Variants in THAP2 observed in about 807,000 individuals in gnomAD.
THAP2 encodes THAP domain-containing protein 2.
Under a neutral mutation model 18.8 loss-of-function variants are expected in THAP2, and 16 were observed. The observed-to-expected ratio is 0.85, with a 90% CI of 0.58 to 1.29. THAP2 has a LOEUF of 1.29. Among genes scored for constraint, THAP2 ranks in the 50% most tolerant of loss-of-function variants. The pLI, the probability that THAP2 is intolerant of heterozygous loss-of-function variation, is 0.00. For missense variants in THAP2, 251 were observed against 265.3 expected, an observed-to-expected ratio of 0.95 and a Z score of 0.38; for synonymous variants, 80 against 89.2, an observed-to-expected ratio of 0.90 and a Z score of 0.58.
In THAP2 at chr12:71,677,873, A is replaced by G. The variant is rs1881544714; in HGVS notation, c.*765A>G. The G allele has an allele frequency of 6.6e-6, 1 of 152,178 alleles. No individual in the cohort carries two copies. Among genetic ancestry groups the G allele is most frequent in the Admixed American group, 6.5e-5 (1 of 15,274 alleles). The allele number at this position is 152,178 out of a possible 1,614,324, so 9.4% of individuals were successfully genotyped here. A position where few individuals can be genotyped will look rare whatever the true frequency, so the allele number is the denominator to read the frequency against. ...TACTACTCTTTTTCTCATAATAAAA[A>G]TCTTACATTTCCAACTTCAAAATTG... On this transcript the variant is annotated 3_prime_UTR_variant, in exon 3 of 3. Coordinates refer to ENST00000308086, the MANE Select transcript of THAP2 (RefSeq NM_031435.4).
chr12:71,666,152 C>G (rs1261532979), intron 1 of THAP2, among the ~76,000 whole-genome samples: 2 of 152,050 alleles, frequency 1.3e-5, no homozygotes, highest in East Asian at 3.9e-4. Flanking sequence ...GAGAAATGTT[C>G]AAGGAGAAAC....
At chr12:71,673,242 TG>T (rs1272353489) in intron 1 of THAP2, among the ~76,000 whole-genome samples, 4 of 152,178 alleles carry the variant, frequency 2.6e-5, no homozygotes, top group African/African-American at 9.6e-5. Context: ...TAAAATAGAC[TG>T]GTATCTACAT....
intron 1 of THAP2, among the ~76,000 whole-genome samples, chr12:71,672,510 A>G (rs946626876): frequency 6.6e-6 from 1 of 152,184 alleles, no homozygotes; most frequent in Non-Finnish European, 1.5e-5. Flanking sequence ...GAATACAGGT[A>G]TGGCTTTCTT....
intron 1 of THAP2, among the ~76,000 whole-genome samples, chr12:71,669,521 C>A (rs1241540958): frequency 6.6e-6 from 1 of 152,062 alleles, no homozygotes; most frequent in Non-Finnish European, 1.5e-5. Flanking sequence ...GAGGCCCTGA[C>A]AAGAAGAAAT....
chr12:71,669,957 C>CAA (rs5799052), intron 1 of THAP2, among the ~76,000 whole-genome samples: 1,449 of 104,550 alleles, frequency 0.014, 32 homozygotes, highest in East Asian at 0.046. Flanking sequence ...AACTCCGTCT[C>CAA]AAAAAAAAAA....
chr12:71,675,208 G>T (rs1243985295), intron 2 of THAP2, among the ~76,000 whole-genome samples: 2 of 151,944 alleles, frequency 1.3e-5, no homozygotes, highest in Non-Finnish European at 2.9e-5. Context: ...AAAAACTACT[G>T]TTTCTCTTGT....
intron 1 of THAP2, among the ~76,000 whole-genome samples, chr12:71,665,981 C>G (rs1459325870): frequency 6.6e-6 from 1 of 152,152 alleles, no homozygotes; most frequent in African/African-American, 2.4e-5. Context: ...AAACTAAACC[C>G]TTTACTCAGT....
At chr12:71,675,351 T>G (rs1881505242) in intron 2 of THAP2, among the ~76,000 whole-genome samples, 1 of 152,128 alleles carries the variant, frequency 6.6e-6, no homozygotes, top group African/African-American at 2.4e-5. Flanking sequence ...ACGTGAATCC[T>G]CAGCACCTCA....
At chr12:71,672,684 G>A (rs1441097555) in intron 1 of THAP2, among the ~76,000 whole-genome samples, 1 of 151,546 alleles carries the variant, frequency 6.6e-6, no homozygotes, top group African/African-American at 2.4e-5. Flanking sequence ...GAAATGGCAG[G>A]CAACAACAGC....
In THAP2 at chr12:71,677,075, A is replaced by G; in HGVS notation, c.654A>G (p.Leu218=). 3 of 1,609,686 alleles carry G rather than the reference A, an allele frequency of 1.9e-6. No individual in the cohort carries two copies. Among genetic ancestry groups the G allele is most frequent in the Non-Finnish European group, 2.5e-6 (3 of 1,177,588 alleles). ...QDQQDKTLLS[L]NLKQTKSTFI is the part of the protein sequence containing the mutation. The stretch of plus-strand genomic sequence containing the variant: ...AACAAGATAAAACACTGCTAAGTCT[A>G]AATCTAAAACAGACCAAGAGTACCT... Residue 218 remains leucine (L), a synonymous_variant, in exon 3 of 3, where the codon CTA becomes CTG. Coordinates refer to ENST00000308086, the MANE Select transcript of THAP2 (RefSeq NM_031435.4).
chr12:71,674,552 G>A (rs1881493603), intron 2 of THAP2, among the ~76,000 whole-genome samples, 154 bp downstream of exon 2: 1 of 152,008 alleles, frequency 6.6e-6, no homozygotes, highest in Non-Finnish European at 1.5e-5. Flanking sequence ...TAGAATCAGA[G>A]TTTGGGTCTC....
At chr12:71,671,645 G>A (rs1381857540) in intron 1 of THAP2, among the ~76,000 whole-genome samples, 4 of 152,174 alleles carry the variant, frequency 2.6e-5, no homozygotes, top group Non-Finnish European at 4.4e-5. Flanking sequence ...CACTTTTTCT[G>A]TAACAATTTT....
At position 71,674,322 on chromosome 12, in the gene THAP2, TA is replaced by T; in HGVS notation, c.193del (p.Thr65GlnfsTer22). The part of the protein sequence containing the change: ...SKHFEASCFD[L>X]TGQTRRLKMD... ...CACTTTGAAGCCTCCTGTTTTGACCTAACAGGACAAACTCGACGACTTAAAA... is the reference window on the plus strand; with the variant it reads ...CACTTTGAAGCCTCCTGTTTTGACCTACAGGACAAACTCGACGACTTAAAA... On this transcript the variant is annotated frameshift_variant, in exon 2 of 3. Transcript: ENST00000308086. LOFTEE classifies it high-confidence loss of function. 6.2e-7 allele frequency: 1 copy of T among 1,613,402 alleles called. No individual in the cohort carries two copies. The highest frequency in any genetic ancestry group is 1.1e-5 in the South Asian group (1 of 91,026).
rs1219465785 is a variant in THAP2, at chr12:71,679,176, A to G, written c.*2068A>G. The G allele has an allele frequency of 6.6e-6, 1 of 152,190 alleles. No homozygotes were observed. Among genetic ancestry groups the G allele is most frequent in the African/African-American group, 2.4e-5 (1 of 41,466 alleles). The allele number at this position is 152,190 out of a possible 1,614,324, so 9.4% of individuals were successfully genotyped here. ...AACCTTAATAAATTTTAAAAATCAT[A>G]AAAATAAAATATTGTAAAATACAAC... is the stretch of plus-strand genomic sequence containing the variant. On this transcript the variant is annotated 3_prime_UTR_variant, in exon 3 of 3. Coordinates refer to ENST00000308086, the MANE Select transcript of THAP2 (RefSeq NM_031435.4).
intron 1 of THAP2, among the ~76,000 whole-genome samples, chr12:71,666,178 TTTGA>T (rs760361587): frequency 2.0e-5 from 3 of 152,030 alleles, no homozygotes; most frequent in South Asian, 2.1e-4. Flanking sequence ...AATTTAGTAA[TTTGA>T]TTGGATAGAT....
Position 71,676,782 on chromosome 12 carries a change from C to G in THAP2, c.361C>G (p.Leu121Val). 1 of 1,613,314 alleles carries G rather than the reference C, an allele frequency of 6.2e-7. No homozygotes were observed. Among genetic ancestry groups the G allele is most frequent in the Admixed American group, 1.7e-5 (1 of 59,948 alleles). The change falls in exon 3 of 3, where the codon CTA becomes GTA. Residue 121 changes from leucine to valine, a missense_variant. Coordinates refer to ENST00000308086, the MANE Select transcript of THAP2 (RefSeq NM_031435.4). ...ATCAAACATTAGTAGTCAGCAAGTACTACTTGAACACAGCTATGCCTTTAG... is the reference window on the plus strand; with the variant it reads ...ATCAAACATTAGTAGTCAGCAAGTAGTACTTGAACACAGCTATGCCTTTAG... ...LKSNISSQQV[L>V]LEHSYAFRNP... is the part of the protein sequence containing the mutation.
Position 71,664,323 on chromosome 12 carries a change from A to G in THAP2, c.-187A>G. On this transcript the variant is annotated 5_prime_UTR_variant, in exon 1 of 3. Transcript: ENST00000308086. The stretch of plus-strand genomic sequence containing the variant: ...TCTAGTCGGCCATATTAATAAAGAG[A>G]AAGGGAAGGCTGACCGTCCTTCGCC... 1.6e-6 allele frequency: 1 copy of G among 624,200 alleles called. No homozygotes were observed. Among genetic ancestry groups the G allele is most frequent in the East Asian group, 2.8e-5 (1 of 35,676 alleles). 38.7% of individuals were successfully genotyped at this position (624,200 alleles called of 1,614,324 possible).
intron 2 of THAP2, 80 bp from the exon 3 acceptor site, chr12:71,676,609 G>A: frequency 7.0e-7 from 1 of 1,434,176 alleles, no homozygotes; most frequent in Non-Finnish European, 9.4e-7. Context: ...TTTAAATACT[G>A]TTATCCAAAA....
In THAP2 at chr12:71,677,123, G is replaced by A. The variant is rs749900034; in HGVS notation, c.*15G>A. 4 of 1,550,018 alleles carry A rather than the reference G, an allele frequency of 2.6e-6. No individual in the cohort carries two copies. In the African/African-American group the frequency reaches 5.5e-5, roughly 21 times the overall value. On this transcript the variant is annotated 3_prime_UTR_variant, in exon 3 of 3. Transcript: ENST00000308086. ...CCTTCATTTAAATTTAGCTTGCACAGAGCTTGATGCCTATCCTTCATTCTT... is the reference window on the plus strand; with the variant it reads ...CCTTCATTTAAATTTAGCTTGCACAAAGCTTGATGCCTATCCTTCATTCTT...
Sources: gnomAD v4.1 joint callset for allele counts (sites outside exome capture counted in the v4.1 genomes callset) on GRCh38, gnomAD v4.1.1 for gene constraint, MANE v1.5 for transcripts, NCBI Gene and HGNC (gene_info 2026-07-23, HGNC 2026-07-21) for gene names.